The following DYNC1I1 variants were observed in gnomAD, a reference collection of about 807,000 sequenced individuals.
The protein encoded by DYNC1I1 is dynein cytoplasmic 1 intermediate chain 1.
A neutral mutation model predicts 86.6 loss-of-function variants in DYNC1I1; 43 were observed. The observed-to-expected ratio is 0.50, with a 90% CI of 0.39 to 0.64. DYNC1I1 has a LOEUF of 0.64. Among genes scored for constraint, DYNC1I1 ranks in the 30% least tolerant of loss-of-function variants. The pLI, the probability that DYNC1I1 is intolerant of heterozygous loss-of-function variation, is 0.00. For missense variants in DYNC1I1, 604 were observed against 788.8 expected, an observed-to-expected ratio of 0.77 and a Z score of 2.81; for synonymous variants, 262 against 283.7, an observed-to-expected ratio of 0.92 and a Z score of 0.77.
At chr7:95,930,477 C>T (rs1021040217) in intron 6 of DYNC1I1, among the ~76,000 whole-genome samples, 4 of 152,270 alleles carry the variant, frequency 2.6e-5, no homozygotes, top group Non-Finnish European at 4.4e-5. Context: ...TACTGTCCAC[C>T]GCAGAAATGC....
At chr7:95,858,871 A>G (rs1307491386) in intron 5 of DYNC1I1, among the ~76,000 whole-genome samples, 1 of 147,726 alleles carries the variant, frequency 6.8e-6, no homozygotes, top group Non-Finnish European at 1.5e-5. Context: ...ATTCCTTTTC[A>G]TTCTTTTTTC....
At chr7:96,061,075 G>A (rs1032625315) in intron 14 of DYNC1I1, among the ~76,000 whole-genome samples, 2 of 152,290 alleles carry the variant, frequency 1.3e-5, no homozygotes, top group Non-Finnish European at 2.9e-5. Flanking sequence ...AGAGAGAATA[G>A]TACATTCTCT....
chr7:95,895,173 C>T (rs1315635884), intron 6 of DYNC1I1, among the ~76,000 whole-genome samples: 1 of 152,150 alleles, frequency 6.6e-6, no homozygotes, highest in Non-Finnish European at 1.5e-5. Flanking sequence ...TTGGTCTGAC[C>T]ACTGAGCTGG....
At chr7:95,915,960 A>G (rs1319689940) in intron 6 of DYNC1I1, among the ~76,000 whole-genome samples, 1 of 152,156 alleles carries the variant, frequency 6.6e-6, no homozygotes, top group African/African-American at 2.4e-5. Context: ...TGATCTCCCC[A>G]ACCTGAAAAG....
At chr7:95,825,778 G>C (rs762271947) in intron 4 of DYNC1I1, among the ~76,000 whole-genome samples, 3 of 152,190 alleles carry the variant, frequency 2.0e-5, no homozygotes, top group Admixed American at 6.5e-5. Flanking sequence ...ATGTATTTGA[G>C]CTTCAGTGAT....
At chr7:95,817,571 T>A (rs1286082684) in intron 4 of DYNC1I1, among the ~76,000 whole-genome samples, 3 of 152,228 alleles carry the variant, frequency 2.0e-5, no homozygotes, top group African/African-American at 4.8e-5. Context: ...ATTTAGCCAT[T>A]TTTCCTATGG....
At chr7:96,085,833 G>C (rs1427764320) in intron 16 of DYNC1I1, among the ~76,000 whole-genome samples, 1 of 152,072 alleles carries the variant, frequency 6.6e-6, no homozygotes, top group Non-Finnish European at 1.5e-5. Flanking sequence ...TGTTTGTTTT[G>C]GATTGTAGGA....
intron 6 of DYNC1I1, among the ~76,000 whole-genome samples, chr7:95,923,029 T>C (rs908899074): frequency 2.6e-5 from 4 of 152,146 alleles, no homozygotes; most frequent in African/African-American, 9.7e-5. Context: ...TTAAAATTTG[T>C]TTTAATTCAG....
intron 6 of DYNC1I1, among the ~76,000 whole-genome samples, chr7:95,940,754 G>A (rs1475669999): frequency 2.6e-5 from 4 of 152,160 alleles, no homozygotes; most frequent in African/African-American, 9.7e-5. Context: ...ATTTCCTCCT[G>A]TAGCTCAGAG....
chr7:95,815,337 CTGAG>C (rs1429652180), intron 4 of DYNC1I1, among the ~76,000 whole-genome samples: 1 of 152,124 alleles, frequency 6.6e-6, no homozygotes, highest in East Asian at 1.9e-4. Context: ...TCTTGCAAGA[CTGAG>C]TAACTAGAAG....
intron 10 of DYNC1I1, among the ~76,000 whole-genome samples, chr7:95,997,130 CAACTT>C (rs780851010): frequency 6.6e-6 from 1 of 152,182 alleles, no homozygotes; most frequent in Admixed American, 6.5e-5. Flanking sequence ...GTCTCAAAAA[CAACTT>C]AACAAGAAGT....
intron 10 of DYNC1I1, among the ~76,000 whole-genome samples, chr7:96,009,336 A>G (rs1794218066): frequency 2.6e-5 from 4 of 152,136 alleles, no homozygotes; most frequent in Admixed American, 6.5e-5. Flanking sequence ...CCCTGTCCCC[A>G]TTAGCATCTG....
intron 6 of DYNC1I1, among the ~76,000 whole-genome samples, chr7:95,945,001 T>C (rs1396439638): frequency 6.6e-6 from 1 of 151,262 alleles, no homozygotes. Flanking sequence ...TGTGCACATG[T>C]ACCCTAAAAC....
intron 16 of DYNC1I1, among the ~76,000 whole-genome samples, chr7:96,088,938 T>C (rs1471117177): frequency 3.3e-5 from 5 of 152,164 alleles, no homozygotes; most frequent in Admixed American, 2.6e-4. Flanking sequence ...ACTGCTAACA[T>C]TGTAAAAGCA....
chr7:95,968,257 T>C (rs1475449947), intron 6 of DYNC1I1, among the ~76,000 whole-genome samples: 1 of 151,184 alleles, frequency 6.6e-6, no homozygotes, highest in Non-Finnish European at 1.5e-5. Context: ...TACAAAGAGA[T>C]AGAATTAACA....
At chr7:95,898,937 C>G (rs1388368322) in intron 6 of DYNC1I1, among the ~76,000 whole-genome samples, 1 of 152,084 alleles carries the variant, frequency 6.6e-6, no homozygotes, top group African/African-American at 2.4e-5. Context: ...TCCTATAAAC[C>G]ACAACACAAA....
At chr7:95,824,039 G>T (rs1795148783) in intron 4 of DYNC1I1, among the ~76,000 whole-genome samples, 1 of 136,196 alleles carries the variant, frequency 7.3e-6, no homozygotes, top group South Asian at 2.4e-4. Context: ...CACCCAGGCT[G>T]GAGTGCAGTG....
At chr7:95,973,540 T>C (rs1371430093) in intron 6 of DYNC1I1, among the ~76,000 whole-genome samples, 1 of 152,078 alleles carries the variant, frequency 6.6e-6, no homozygotes, top group Non-Finnish European at 1.5e-5. Context: ...AGTGTTTTTT[T>C]AGACCGATCA....
At position 95,844,543 on chromosome 7, in the gene DYNC1I1, C is replaced by G. The variant is rs1028436286; in HGVS notation, c.374+16427C>G. On this transcript the variant is annotated intron_variant, in intron 5 of 16. Transcript: ENST00000447467. ...GACAGAGTTACTACTCACATAGTCC[C>G]CTGCAAAATTCGGAGACTAGGGTGT... is the stretch of plus-strand genomic sequence containing the variant. 4.1e-4 allele frequency among the ~76,000 whole-genome samples: 62 copies of G among 152,202 alleles called. 1 individual carries two copies. Among genetic ancestry groups the G allele is most frequent in the Non-Finnish European group, 8.8e-5 (6 of 68,030 alleles).
Sources: gnomAD v4.1 joint callset for allele counts (sites outside exome capture counted in the v4.1 genomes callset) on GRCh38, gnomAD v4.1.1 for gene constraint, MANE v1.5 for transcripts, NCBI Gene and HGNC (gene_info 2026-07-23, HGNC 2026-07-21) for gene names.